Variants in IL1RAPL1 observed in about 807,000 individuals in gnomAD.
IL1RAPL1 encodes the protein interleukin-1 receptor accessory protein-like 1.
Under a neutral mutation model 48.4 loss-of-function variants are expected in IL1RAPL1, and 3 were observed. The observed-to-expected ratio is 0.06, with a 90% CI of 0.03 to 0.16. The LOEUF (loss-of-function observed/expected upper bound fraction) is 0.16. Ranked by LOEUF, IL1RAPL1 falls within the 10% of genes least tolerant of loss-of-function variation. IL1RAPL1 has a pLI of 1.00. For missense variants in IL1RAPL1, 349 were observed against 530.6 expected (o/e 0.66, Z 3.36); for synonymous variants, 185 against 187.7 (o/e 0.99, Z 0.12).
At chrX:28,600,872 G>A (rs1251575704) in intron 1 of IL1RAPL1, among the ~76,000 whole-genome samples, 7 of 111,661 alleles carry the variant, frequency 6.3e-5, no homozygotes, top group Admixed American at 3.8e-4. Flanking sequence ...TATATTATGT[G>A]GAAATATTAA....
intron 5 of IL1RAPL1, among the ~76,000 whole-genome samples, chrX:29,471,685 T>C (rs1934923099): frequency 9.0e-6 from 1 of 111,606 alleles, no homozygotes; most frequent in Non-Finnish European, 1.9e-5. Flanking sequence ...TTCTTTCACA[T>C]ATCCATTAGC....
intron 5 of IL1RAPL1, among the ~76,000 whole-genome samples, chrX:29,607,561 C>G (rs1466589405): frequency 4.5e-5 from 5 of 112,062 alleles, no homozygotes; most frequent in Non-Finnish European, 9.4e-5. Flanking sequence ...TCTCATTCTA[C>G]TTTCAGTAAT....
intron 2 of IL1RAPL1, among the ~76,000 whole-genome samples, chrX:28,834,080 A>G (rs981608548): frequency 2.7e-5 from 3 of 111,728 alleles, no homozygotes; most frequent in Non-Finnish European, 5.7e-5. Flanking sequence ...AAATGTATGC[A>G]TATGTGTAAC....
At chrX:29,565,980 G>A (rs1340373190) in intron 5 of IL1RAPL1, among the ~76,000 whole-genome samples, 11 of 108,806 alleles carry the variant, frequency 1.0e-4, no homozygotes, top group Non-Finnish European at 1.9e-4. Context: ...ACGGAGTCTC[G>A]CTCTGTCGCC....
At chrX:29,552,876 C>G (rs1428157022) in intron 5 of IL1RAPL1, among the ~76,000 whole-genome samples, 1 of 59,415 alleles carries the variant, frequency 1.7e-5, no homozygotes, top group African/African-American at 7.0e-5. Flanking sequence ...ATAGACTTTT[C>G]TTGGTTGTGT....
intron 5 of IL1RAPL1, among the ~76,000 whole-genome samples, chrX:29,567,269 G>GA (rs1311422137): frequency 4.5e-5 from 5 of 110,215 alleles, no homozygotes; most frequent in Non-Finnish European, 9.5e-5. Flanking sequence ...AGCAAGGAGA[G>GA]ATGCCAGAAA....
At chrX:29,388,662 T>G (rs1208443283) in intron 3 of IL1RAPL1, among the ~76,000 whole-genome samples, 1 of 112,194 alleles carries the variant, frequency 8.9e-6, no homozygotes, top group Non-Finnish European at 1.9e-5. Context: ...TTATGCTAAG[T>G]AAAAGAAGCC....
At chrX:29,319,546 GTATGTATGTATGTATC>G (rs1260891247) in intron 3 of IL1RAPL1, among the ~76,000 whole-genome samples, 1 of 80,976 alleles carries the variant, frequency 1.2e-5, no homozygotes, top group East Asian at 3.5e-4. Flanking sequence ...ATGTATGTAT[GTATGTATGTATGTATC>G]TATCTATCTA....
Position 28,595,916 on chromosome X carries a change from T to C in IL1RAPL1, c.-25+7869T>C, listed in dbSNP as rs762034111. Among the ~76,000 whole-genome samples, 4 of 111,396 alleles carry C rather than the reference T, an allele frequency of 3.6e-5. No homozygotes were observed. The South Asian group carries it at 1.5e-3, about 43-fold the overall frequency. Reference sequence around the variant, plus strand: ...AGAGTAAATGCATTCAAGGGATCTCTAGGGGTTTTTGACTCTGCTGTTTTT... The same window carrying C: ...AGAGTAAATGCATTCAAGGGATCTCCAGGGGTTTTTGACTCTGCTGTTTTT... On this transcript the variant is annotated intron_variant, in intron 1 of 10. Coordinates refer to ENST00000378993, the MANE Select transcript of IL1RAPL1 (RefSeq NM_014271.4).
At chrX:29,096,071 C>T (rs1426342696) in intron 2 of IL1RAPL1, among the ~76,000 whole-genome samples, 1 of 110,921 alleles carries the variant, frequency 9.0e-6, no homozygotes, top group Non-Finnish European at 1.9e-5. Context: ...TTTGATAATC[C>T]CCATGAACAT....
At chrX:28,895,855 A>T (rs1922902828) in intron 2 of IL1RAPL1, among the ~76,000 whole-genome samples, 1 of 112,180 alleles carries the variant, frequency 8.9e-6, no homozygotes, top group African/African-American at 3.2e-5. Flanking sequence ...GTCAGTCTTC[A>T]GCTGCTAAGC....
intron 6 of IL1RAPL1, among the ~76,000 whole-genome samples, chrX:29,742,240 G>A (rs1029219868): frequency 4.5e-5 from 5 of 111,649 alleles, no homozygotes; most frequent in Non-Finnish European, 9.4e-5. Context: ...GCCTCTGACC[G>A]TTCTATTTGA....
intron 2 of IL1RAPL1, among the ~76,000 whole-genome samples, chrX:29,154,882 C>A (rs1329645052): frequency 2.7e-5 from 3 of 111,507 alleles, no homozygotes; most frequent in African/African-American, 9.8e-5. Flanking sequence ...AATATTCACA[C>A]AATATTGATA....
intron 3 of IL1RAPL1, among the ~76,000 whole-genome samples, chrX:29,359,886 A>G (rs1569294439): frequency 9.0e-6 from 1 of 111,231 alleles, no homozygotes; most frequent in Non-Finnish European, 1.9e-5. Flanking sequence ...CCCCTGGGTT[A>G]CTAAATCCTT....
chrX:28,627,476 T>G (rs922220527), intron 1 of IL1RAPL1, among the ~76,000 whole-genome samples: 1 of 111,995 alleles, frequency 8.9e-6, no homozygotes, highest in African/African-American at 3.2e-5. Flanking sequence ...CTTTACGGAA[T>G]CTGCCATTTT....
chrX:29,170,208 C>T (rs1023858575), intron 2 of IL1RAPL1, among the ~76,000 whole-genome samples: 12 of 111,454 alleles, frequency 1.1e-4, no homozygotes, highest in Admixed American at 1.9e-4. Flanking sequence ...AGTCAAGTTG[C>T]TAGAGAATTC....
At position 29,724,588 on chromosome X, in the gene IL1RAPL1, G is replaced by A. The variant is rs1447136602; in HGVS notation, c.778+56084G>A. Among the ~76,000 whole-genome samples, 3 of 111,989 alleles carry A rather than the reference G, an allele frequency of 2.7e-5. No homozygotes were observed. In the East Asian group the frequency reaches 8.4e-4, roughly 31 times the overall value. On this transcript the variant is annotated intron_variant, in intron 6 of 10. Transcript: ENST00000378993. ...ATGCTTGTCCACTTGTTTTAAAGGA[G>A]AAAATGCAAATAAATATGCTGCAAG...
At chrX:28,861,199 C>A (rs753779955) in intron 2 of IL1RAPL1, among the ~76,000 whole-genome samples, 1 of 111,490 alleles carries the variant, frequency 9.0e-6, no homozygotes, top group African/African-American at 3.3e-5. Flanking sequence ...GTCAAAAGGG[C>A]GCTCAATATG....
chrX:28,741,825 CT>C (rs1261046212), intron 1 of IL1RAPL1, among the ~76,000 whole-genome samples: 1 of 111,875 alleles, frequency 8.9e-6, no homozygotes, highest in Non-Finnish European at 1.9e-5. Flanking sequence ...CAACATAGTT[CT>C]TGAATTAACA....
Sources: gnomAD v4.1 joint callset for allele counts (sites outside exome capture counted in the v4.1 genomes callset) on GRCh38, gnomAD v4.1.1 for gene constraint, MANE v1.5 for transcripts, NCBI Gene and HGNC (gene_info 2026-07-23, HGNC 2026-07-21) for gene names.